PCDHA7: variants seen among roughly 807,000 people sequenced by gnomAD.
PCDHA7 encodes protocadherin alpha-7.
PCDHA7 carries 37 observed loss-of-function variants against 57.2 expected under a neutral mutation model. The observed-to-expected ratio is 0.65, with a 90% CI of 0.50 to 0.85. The LOEUF (loss-of-function observed/expected upper bound fraction) is 0.85. Among genes scored for constraint, PCDHA7 ranks in the 40% least tolerant of loss-of-function variants. PCDHA7 has a pLI of 0.00. For synonymous variants in PCDHA7, 553 were observed against 558.8 expected (o/e 0.99, Z 0.15); for missense variants, 1,188 against 1,241.8 (o/e 0.96, Z 0.65).
At position 140,850,659 on chromosome 5, in the gene PCDHA7, C is replaced by T. The variant is rs2150492526; in HGVS notation, c.2355+13921C>T. On this transcript the variant is annotated intron_variant, in intron 1 of 3. Coordinates refer to ENST00000525929, the MANE Select transcript of PCDHA7 (RefSeq NM_018910.3). ...CACGCTGCTGCTGTACACTGTGCTG[C>T]GGTGCTCGGCGATGCCCACCGAGGG... is the stretch of plus-strand genomic sequence containing the variant. 2.2e-5 allele frequency: 35 copies of T among 1,598,248 alleles called. No homozygotes were observed. The South Asian group carries it at 3.1e-4, about 14-fold the overall frequency.
chr5:140,910,546 A>G (rs2075078968), intron 1 of PCDHA7, among the ~76,000 whole-genome samples: 1 of 152,198 alleles, frequency 6.6e-6, no homozygotes, highest in Non-Finnish European at 1.5e-5. Context: ...CTATTTTGCA[A>G]AGTATTAGTC....
Position 140,835,824 on chromosome 5 carries a change from G to T in PCDHA7, c.1441G>T (p.Asp481Tyr). The change falls in exon 1 of 4, where the codon GAC becomes TAC. Residue 481 changes from aspartate (D) to tyrosine (Y), a missense_variant. By Grantham distance (160) the Asp-to-Tyr change is radical. This residue lies in a region of PCDHA7 where 892 missense variants were observed against 788.5 expected (regional missense o/e 1.13). Transcript: ENST00000525929. ...GCHIFTVSAG[D>Y]ADAQKNALVS... Reference sequence around the variant, plus strand: ...CCACATCTTCACTGTGTCGGCGGGGGACGCGGACGCGCAGAAGAACGCGCT... The same window carrying T: ...CCACATCTTCACTGTGTCGGCGGGGTACGCGGACGCGCAGAAGAACGCGCT... 1 of 1,612,592 alleles carries T rather than the reference G, an allele frequency of 6.2e-7. No individual in the cohort carries two copies. The highest frequency in any genetic ancestry group is 8.5e-7 in the Non-Finnish European group (1 of 1,179,666).
intron 1 of PCDHA7, chr5:140,841,399 G>A: frequency 6.2e-7 from 1 of 1,613,120 alleles, no homozygotes; most frequent in Non-Finnish European, 8.5e-7. Context: ...CCTGGAAGGT[G>A]GGGAGCGGCC....
intron 1 of PCDHA7, among the ~76,000 whole-genome samples, chr5:140,916,911 GA>G (rs2077779129): frequency 1.3e-5 from 2 of 152,178 alleles, no homozygotes; most frequent in Admixed American, 1.3e-4. Context: ...AGTTTACCTA[GA>G]ACCTCAGAGC....
rs2098418726 is a variant in PCDHA7 at position 141,010,899 on chromosome 5, C to T, written c.*962C>T. 2 of 153,680 alleles carry T rather than the reference C, an allele frequency of 1.3e-5. No individual in the cohort carries two copies. Among genetic ancestry groups the T allele is most frequent in the Admixed American group, 6.6e-5 (1 of 15,264 alleles). The allele number at this position is 153,680 out of a possible 1,614,324, so 9.5% of individuals were successfully genotyped here. ...TTTAAAGAGAAATATGAATACAATT[C>T]CCCTAAACTCTCCTCAAAAGAGAAT... On this transcript the variant is annotated 3_prime_UTR_variant, in exon 4 of 4. Coordinates refer to ENST00000525929, the MANE Select transcript of PCDHA7 (RefSeq NM_018910.3).
In PCDHA7 at chr5:140,874,725, T is replaced by C. The variant is rs181567985; in HGVS notation, c.2355+37987T>C. Among the ~76,000 whole-genome samples, 426 of 152,372 alleles carry C rather than the reference T, an allele frequency of 2.8e-3. 2 individuals are homozygous for C. Among genetic ancestry groups the C allele is most frequent in the Middle Eastern group, 0.014 (4 of 294 alleles). On this transcript the variant is annotated intron_variant, in intron 1 of 3. Transcript: ENST00000525929. The stretch of plus-strand genomic sequence containing the variant: ...ATGAGAGCAGTTATGTGAAAAGTTA[T>C]CACATTCAAGCATCAAGGAACCAAA...
chr5:140,845,410 G>A (rs1316753115), intron 1 of PCDHA7, among the ~76,000 whole-genome samples: 3 of 149,216 alleles, frequency 2.0e-5, no homozygotes, highest in South Asian at 4.2e-4. Context: ...ATTGTATTTG[G>A]CAATTTATCA....
In PCDHA7 at chr5:140,967,905, C is replaced by G. The variant is rs782291807; in HGVS notation, c.2356-11044C>G. ...AGCCCAGTGCCTGAGAATGCTACAC[C>G]CAACACCATTGTGGCCGTTCTCAGT... is the stretch of plus-strand genomic sequence containing the variant. On this transcript the variant is annotated intron_variant, in intron 1 of 3. Transcript: ENST00000525929. 36 of 1,614,168 alleles carry G rather than the reference C, an allele frequency of 2.2e-5. No homozygotes were observed. Among genetic ancestry groups the G allele is most frequent in the Non-Finnish European group, 2.8e-5 (33 of 1,180,028 alleles).
chr5:140,937,106 C>T (rs2091337574), intron 1 of PCDHA7, among the ~76,000 whole-genome samples: 1 of 149,206 alleles, frequency 6.7e-6, no homozygotes, highest in Admixed American at 6.7e-5. Context: ...GGCGCAGTCT[C>T]GGCTCACTGC....
chr5:141,000,192 T>C lies in PCDHA7; in HGVS notation c.2504-9435T>C, dbSNP rs112948047. 6.4e-3 allele frequency among the ~76,000 whole-genome samples: 968 copies of C among 151,888 alleles called. 13 individuals carry two copies. Among genetic ancestry groups the C allele is most frequent in the African/African-American group, 0.023 (941 of 41,384 alleles). ...TTGAGCCAAGGAGTCAATGTGAGAA[T>C]AGTTTTTCACCTTCATTATCAAATG... On this transcript the variant is annotated intron_variant, in intron 3 of 3. Coordinates refer to ENST00000525929, the MANE Select transcript of PCDHA7 (RefSeq NM_018910.3).
intron 1 of PCDHA7, chr5:140,862,965 C>G (rs1358517266): frequency 1.8e-6 from 1 of 543,786 alleles, no homozygotes; most frequent in Admixed American, 1.9e-5. Flanking sequence ...TCAGTGGATG[C>G]AGGCCACTTG....
At chr5:140,966,396 C>T (rs770476013) in intron 1 of PCDHA7, 11 of 405,036 alleles carry the variant, frequency 2.7e-5, no homozygotes, top group Admixed American at 4.4e-5. Flanking sequence ...TCCGCCACTT[C>T]GGCGCGGAAT....
At chr5:140,842,073 T>C (rs2150328918) in intron 1 of PCDHA7, 1 of 1,613,862 alleles carries the variant, frequency 6.2e-7, no homozygotes, top group Non-Finnish European at 8.5e-7. Flanking sequence ...GAAGTAAGAA[T>C]ATTCGAAAAC....
At position 141,011,460 on chromosome 5, in the gene PCDHA7, T is replaced by G. The variant is rs1285322141; in HGVS notation, c.*1523T>G. 6.5e-6 allele frequency: 1 copy of G among 153,832 alleles called. No homozygotes were observed. The highest frequency in any genetic ancestry group is 2.4e-5 in the African/African-American group (1 of 41,470). 9.5% of individuals were successfully genotyped at this position (153,832 alleles called of 1,614,324 possible). On this transcript the variant is annotated 3_prime_UTR_variant, in exon 4 of 4. Coordinates refer to ENST00000525929, the MANE Select transcript of PCDHA7 (RefSeq NM_018910.3). The stretch of plus-strand genomic sequence containing the variant: ...TAGAGTGAACTTTAAGCTTTATTGT[T>G]GAATGTAATTCCATTATATTTCCTT...
At chr5:141,006,368 C>A (rs1395158727) in intron 3 of PCDHA7, among the ~76,000 whole-genome samples, 1 of 151,954 alleles carries the variant, frequency 6.6e-6, no homozygotes, top group Non-Finnish European at 1.5e-5. Flanking sequence ...CCCACCACCA[C>A]GCCCGGCTAA....
At chr5:141,005,469 C>T (rs549630927) in intron 3 of PCDHA7, among the ~76,000 whole-genome samples, 2 of 151,656 alleles carry the variant, frequency 1.3e-5, no homozygotes, top group South Asian at 2.1e-4. Flanking sequence ...TTTGGGAGGC[C>T]GAGACGGGCG....
chr5:140,849,038 C>A, intron 1 of PCDHA7: 2 of 1,575,008 alleles, frequency 1.3e-6, no homozygotes, highest in Non-Finnish European at 1.7e-6. Context: ...TCTTCCTGGA[C>A]GTGCCAACCA....
At chr5:140,842,744 T>C in intron 1 of PCDHA7, 1 of 1,595,066 alleles carries the variant, frequency 6.3e-7, no homozygotes, top group East Asian at 2.2e-5. Context: ...CTGCCACATC[T>C]TCACGGTGTC....
At chr5:140,871,475 G>A in intron 1 of PCDHA7, 1 of 1,598,972 alleles carries the variant, frequency 6.3e-7, no homozygotes, top group Non-Finnish European at 8.5e-7. Context: ...CAGGAGCCAG[G>A]GTCAAATCAC....
Sources: gnomAD v4.1 joint callset for allele counts (sites outside exome capture counted in the v4.1 genomes callset) on GRCh38, gnomAD v4.1.1 for gene constraint, gnomAD v4.1.1 regional missense constraint, MANE v1.5 for transcripts, NCBI Gene and HGNC (gene_info 2026-07-23, HGNC 2026-07-21) for gene names.